Variants in FAM220A observed in about 807,000 individuals in gnomAD.
FAM220A encodes the protein protein FAM220A.
For missense variants in FAM220A, 392 were observed against 321.6 expected, an observed-to-expected ratio of 1.22 and a Z score of -1.68; for synonymous variants, 141 against 130.7, an observed-to-expected ratio of 1.08 and a Z score of -0.54.
intron 1 of FAM220A, among the ~76,000 whole-genome samples, chr7:6,346,214 C>T (rs949250192): frequency 7.9e-5 from 12 of 152,082 alleles, no homozygotes; most frequent in African/African-American, 2.9e-4. Flanking sequence ...GTTTACCAGT[C>T]CCCTGAACTG....
At chr7:6,344,764 G>A (rs187030577) in intron 1 of FAM220A, among the ~76,000 whole-genome samples, 323 of 151,886 alleles carry the variant, frequency 2.1e-3, no homozygotes, top group African/African-American at 7.0e-3. Context: ...TTTTGGAGAC[G>A]GAGTCTCACT....
chr7:6,332,153 A>C lies in FAM220A; in HGVS notation c.-81-918T>G, dbSNP rs997810316. ...AAATTGCGAAAAGGCTTTGAAATGAACAAAAAATAACATGACTGGGCATGC... is the reference window on the plus strand; with the variant it reads ...AAATTGCGAAAAGGCTTTGAAATGACCAAAAAATAACATGACTGGGCATGC... On this transcript the variant is annotated intron_variant, in intron 1 of 1. Transcript: ENST00000313324. 2.6e-5 allele frequency among the ~76,000 whole-genome samples: 4 copies of C among 151,864 alleles called. No homozygotes were observed. In the South Asian group the frequency reaches 6.2e-4, roughly 24 times the overall value.
chr7:6,340,181 G>A (rs1171025736), intron 1 of FAM220A, among the ~76,000 whole-genome samples: 4 of 152,066 alleles, frequency 2.6e-5, no homozygotes, highest in Admixed American at 6.6e-5. Context: ...TACCGCGCCC[G>A]GCCCCTCCCA....
intron 1 of FAM220A, among the ~76,000 whole-genome samples, chr7:6,338,352 G>A (rs186136827): frequency 1.3e-3 from 201 of 152,192 alleles, no homozygotes; most frequent in Non-Finnish European, 2.1e-3. Flanking sequence ...GCCTCCTCAT[G>A]CCATGTTAAT....
chr7:6,338,291 T>C (rs189672988), intron 1 of FAM220A, among the ~76,000 whole-genome samples: 3 of 152,324 alleles, frequency 2.0e-5, no homozygotes, highest in South Asian at 2.1e-4. Flanking sequence ...GCTAGAGATA[T>C]ATTGTACCAG....
chr7:6,346,549 T>G (rs978024793), intron 1 of FAM220A, among the ~76,000 whole-genome samples: 1 of 152,008 alleles, frequency 6.6e-6, no homozygotes, highest in Non-Finnish European at 1.5e-5. Context: ...CCCAGCTAAT[T>G]TTTTGTATTT....
chr7:6,341,687 CAAAAAA>C (rs536695454), intron 1 of FAM220A, among the ~76,000 whole-genome samples: 11 of 110,738 alleles, frequency 9.9e-5, no homozygotes, highest in Non-Finnish European at 2.1e-4. Flanking sequence ...AAGACTCTGT[CAAAAAA>C]AAAAAAAAAA....
At chr7:6,335,648 C>T (rs778878139) in intron 1 of FAM220A, among the ~76,000 whole-genome samples, 1 of 152,128 alleles carries the variant, frequency 6.6e-6, no homozygotes, top group Non-Finnish European at 1.5e-5. Flanking sequence ...GCAAAATATA[C>T]ACTTTATGAA....
At chr7:6,345,796 T>A (rs1478805069) in intron 1 of FAM220A, among the ~76,000 whole-genome samples, 1 of 151,984 alleles carries the variant, frequency 6.6e-6, no homozygotes, top group African/African-American at 2.4e-5. Context: ...TGAGACAGAG[T>A]CTCGCTGTGT....
At chr7:6,336,568 C>T (rs939845507) in intron 1 of FAM220A, among the ~76,000 whole-genome samples, 1 of 151,480 alleles carries the variant, frequency 6.6e-6, no homozygotes, top group Non-Finnish European at 1.5e-5. Flanking sequence ...ATAATCCCAG[C>T]TATTAGTCAG....
intron 1 of FAM220A, among the ~76,000 whole-genome samples, chr7:6,341,716 C>G (rs774495982): frequency 6.7e-6 from 1 of 149,730 alleles, no homozygotes; most frequent in Non-Finnish European, 1.5e-5. Context: ...TATGAGTGCG[C>G]GCCAGGTGCA....
intron 1 of FAM220A, among the ~76,000 whole-genome samples, chr7:6,335,517 C>T (rs1404719037): frequency 6.9e-6 from 1 of 145,214 alleles, no homozygotes; most frequent in East Asian, 2.0e-4. Context: ...TGTGAGCCTC[C>T]GTGCCCAGCC....
intron 1 of FAM220A, among the ~76,000 whole-genome samples, chr7:6,338,984 C>A (rs936415801): frequency 9.2e-5 from 14 of 152,170 alleles, no homozygotes; most frequent in African/African-American, 3.4e-4. Flanking sequence ...CGCTAGCACA[C>A]CTTAACTCAC....
At chr7:6,347,883 T>TTTTTTA (rs376869408) in intron 1 of FAM220A, among the ~76,000 whole-genome samples, 5 of 131,538 alleles carry the variant, frequency 3.8e-5, no homozygotes, top group African/African-American at 5.6e-5. Context: ...ACGAGACCCC[T>TTTTTTA]TTATTATTAT....
chr7:6,342,413 T>A (rs1411973019), intron 1 of FAM220A, among the ~76,000 whole-genome samples: 1 of 151,732 alleles, frequency 6.6e-6, no homozygotes, highest in Admixed American at 6.6e-5. Context: ...GGCATGGTGG[T>A]AGGCACCTGT....
chr7:6,341,227 G>T lies in FAM220A; in HGVS notation c.-82+7346C>A, dbSNP rs547174309. On this transcript the variant is annotated intron_variant, in intron 1 of 1. Coordinates refer to ENST00000313324, the MANE Select transcript of FAM220A (RefSeq NM_001037163.2). ...TGGGAGGCCAAGGAGGGTAGATCAG[G>T]AGGTCAGGAGATTGAGACCATCCTG... Among the ~76,000 whole-genome samples, 3 of 151,162 alleles carry T rather than the reference G, an allele frequency of 2.0e-5. No homozygotes were observed. In the South Asian group the frequency reaches 6.3e-4, roughly 32 times the overall value.
intron 1 of FAM220A, among the ~76,000 whole-genome samples, chr7:6,333,840 C>CTT (rs904989717): frequency 2.8e-3 from 275 of 96,704 alleles, no homozygotes; most frequent in Non-Finnish European, 4.0e-3. Flanking sequence ...CTCCTGGCCT[C>CTT]TTTTTTTTTT....
At position 6,329,471 on chromosome 7, in the gene FAM220A, C is replaced by T. The variant is rs1781584643; in HGVS notation, c.*904G>A. 6.6e-6 allele frequency: 1 copy of T among 152,576 alleles called. No homozygotes were observed. The highest frequency in any genetic ancestry group is 2.4e-5 in the African/African-American group (1 of 41,450). 9.5% of individuals were successfully genotyped at this position (152,576 alleles called of 1,614,324 possible). On this transcript the variant is annotated 3_prime_UTR_variant, in exon 2 of 2. Transcript: ENST00000313324. ...TTTTATTTTTCATTTTCCCCAAACA[C>T]TAAAATAGCACATGGCATAGTAATT...
rs1781621042 is a variant in FAM220A, at chr7:6,330,954, C to T, written c.201G>A (p.Lys67=). The change falls in exon 2 of 2, where the codon AAG becomes AAA. Residue 67 remains lysine (K), a synonymous_variant. Transcript: ENST00000313324. ...QSEALSLEMR[K]DPSGAGLWLH... is the part of the protein sequence containing the mutation. Reference sequence around the variant, plus strand: ...GCCAGAGGCCAGCCCCGCTCGGATCCTTTCTCATTTCCAGTGATAATGCCT... The same window carrying T: ...GCCAGAGGCCAGCCCCGCTCGGATCTTTTCTCATTTCCAGTGATAATGCCT... 1.2e-6 allele frequency: 2 copies of T among 1,614,272 alleles called. No individual in the cohort carries two copies. Among genetic ancestry groups the T allele is most frequent in the African/African-American group, 1.3e-5 (1 of 75,080 alleles).
Sources: gnomAD v4.1 joint callset for allele counts (sites outside exome capture counted in the v4.1 genomes callset) on GRCh38, gnomAD v4.1.1 for gene constraint, MANE v1.5 for transcripts, NCBI Gene and HGNC (gene_info 2026-07-23, HGNC 2026-07-21) for gene names.